The following DIAPH2 variants were observed in gnomAD, a reference collection of about 807,000 sequenced individuals.
The protein encoded by DIAPH2 is diaphanous related formin 2.
DIAPH2 carries 35 observed loss-of-function variants against 92.7 expected under a neutral mutation model. That is an observed-to-expected ratio of 0.38 (90% CI 0.29 to 0.50). DIAPH2 has a LOEUF of 0.50. Among genes scored for constraint, DIAPH2 ranks in the 20% least tolerant of loss-of-function variants. The pLI is 0.94. For synonymous variants in DIAPH2, 301 were observed against 280.4 expected, an observed-to-expected ratio of 1.07 and a Z score of -0.73; for missense variants, 701 against 819.5, an observed-to-expected ratio of 0.86 and a Z score of 1.77.
At chrX:97,032,654 C>T (rs1038598588) in intron 17 of DIAPH2, among the ~76,000 whole-genome samples, 7 of 110,327 alleles carry the variant, frequency 6.3e-5, no homozygotes, top group Non-Finnish European at 1.1e-4. Flanking sequence ...TGCTATGCTC[C>T]GCTTAAAAAA....
At chrX:97,194,824 G>T (rs2067688433) in intron 22 of DIAPH2, among the ~76,000 whole-genome samples, 1 of 112,046 alleles carries the variant, frequency 8.9e-6, no homozygotes, top group South Asian at 3.7e-4. Flanking sequence ...ACATTATTAG[G>T]AAAGCCTATT....
chrX:97,473,495 C>A (rs911387352), intron 26 of DIAPH2, among the ~76,000 whole-genome samples: 5 of 111,137 alleles, frequency 4.5e-5, no homozygotes, highest in Non-Finnish European at 7.5e-5. Flanking sequence ...CCACCATGCC[C>A]TGCTAACTTT....
At chrX:97,475,911 A>G (rs1469685814) in intron 26 of DIAPH2, among the ~76,000 whole-genome samples, 1 of 112,267 alleles carries the variant, frequency 8.9e-6, no homozygotes, top group African/African-American at 3.2e-5. Context: ...AGTGAACAAC[A>G]TAACCAGTTT....
At chrX:97,121,205 C>T (rs947410583) in intron 21 of DIAPH2, among the ~76,000 whole-genome samples, 1 of 112,101 alleles carries the variant, frequency 8.9e-6, no homozygotes, top group African/African-American at 3.2e-5. Flanking sequence ...TATTGTTCAG[C>T]TTGGACTGAC....
At chrX:96,771,992 G>A (rs2064342110) in intron 4 of DIAPH2, among the ~76,000 whole-genome samples, 1 of 110,582 alleles carries the variant, frequency 9.0e-6, no homozygotes, top group Non-Finnish European at 1.9e-5. Flanking sequence ...AGCCGAGATG[G>A]CGCCACTGCC....
chrX:97,429,505 A>C (rs1481954289), intron 25 of DIAPH2, 145 bp from the exon 26 acceptor site: 1 of 846,749 alleles, frequency 1.2e-6, no homozygotes, highest in Non-Finnish European at 1.6e-6. Context: ...TGGTGCCAGA[A>C]ACTGACAGGA....
chrX:97,490,816 A>G lies in DIAPH2; in HGVS notation c.3241+61071A>G, dbSNP rs185489462. On this transcript the variant is annotated intron_variant, in intron 26 of 26. Transcript: ENST00000324765. ...TAAATTCGTTGAGACTTTTTTTGTGACTTAACACGTGATATATTCTGGAGA... is the reference window on the plus strand; with the variant it reads ...TAAATTCGTTGAGACTTTTTTTGTGGCTTAACACGTGATATATTCTGGAGA... 5.7e-3 allele frequency among the ~76,000 whole-genome samples: 630 copies of G among 111,193 alleles called. 3 individuals are homozygous for G. The highest frequency in any genetic ancestry group is 9.0e-3 in the Non-Finnish European group (476 of 52,939).
At chrX:97,519,835 C>T (rs772821308) in intron 26 of DIAPH2, among the ~76,000 whole-genome samples, 46 of 111,155 alleles carry the variant, frequency 4.1e-4, no homozygotes, top group Middle Eastern at 9.2e-3. Context: ...AAGCGATTCT[C>T]CTGCCTCAGC....
At chrX:96,949,149 T>C in intron 15 of DIAPH2, 110 bp downstream of exon 15, 1 of 427,195 alleles carries the variant, frequency 2.3e-6, no homozygotes, top group African/African-American at 2.5e-5. Context: ...TTTTTGGCAG[T>C]TTTACATTTT....
chrX:97,190,579 T>C (rs984156513), intron 22 of DIAPH2, among the ~76,000 whole-genome samples: 1 of 111,698 alleles, frequency 9.0e-6, no homozygotes, highest in African/African-American at 3.3e-5. Flanking sequence ...CCAGGCATGG[T>C]GGCTCACGCC....
chrX:97,120,009 C>A (rs2067044451), intron 21 of DIAPH2, among the ~76,000 whole-genome samples: 1 of 111,978 alleles, frequency 8.9e-6, no homozygotes, highest in Non-Finnish European at 1.9e-5. Flanking sequence ...TCTTCCCCTG[C>A]CTGTAGAGTC....
intron 4 of DIAPH2, among the ~76,000 whole-genome samples, chrX:96,830,884 C>A (rs1405175602): frequency 9.0e-6 from 1 of 111,261 alleles, no homozygotes; most frequent in Non-Finnish European, 1.9e-5. Context: ...AGGGGCATTT[C>A]GTGATATCTA....
chrX:96,811,949 G>A (rs868662360), intron 4 of DIAPH2, among the ~76,000 whole-genome samples: 74 of 111,536 alleles, frequency 6.6e-4, no homozygotes, highest in Middle Eastern at 9.3e-3. Context: ...TTTTTGCATC[G>A]ATGTTCATCA....
At chrX:97,508,023 T>C (rs1191378611) in intron 26 of DIAPH2, among the ~76,000 whole-genome samples, 1 of 111,540 alleles carries the variant, frequency 9.0e-6, no homozygotes, top group Non-Finnish European at 1.9e-5. Flanking sequence ...CTCAGTGCCA[T>C]GTCTCCATCC....
At chrX:97,275,515 C>T (rs775933535) in intron 23 of DIAPH2, among the ~76,000 whole-genome samples, 1 of 106,681 alleles carries the variant, frequency 9.4e-6, no homozygotes, top group Admixed American at 9.9e-5. Context: ...CTCCTCACTT[C>T]TCAGACGGGG....
intron 26 of DIAPH2, among the ~76,000 whole-genome samples, chrX:97,535,598 C>T (rs773548334): frequency 8.0e-4 from 89 of 110,819 alleles, no homozygotes; most frequent in African/African-American, 2.6e-3. Context: ...ATTGCAGGCA[C>T]GCGCCACCAC....
intron 5 of DIAPH2, among the ~76,000 whole-genome samples, chrX:96,894,369 A>G (rs2065328542): frequency 9.0e-6 from 1 of 111,094 alleles, no homozygotes; most frequent in Non-Finnish European, 1.9e-5. Flanking sequence ...ATCAAAAACT[A>G]TTGAAGATTG....
chrX:97,091,659 G>A (rs2066826618), intron 19 of DIAPH2, among the ~76,000 whole-genome samples: 1 of 110,234 alleles, frequency 9.1e-6, no homozygotes, highest in South Asian at 3.9e-4. Context: ...ATTTTCACTG[G>A]GTATATAATT....
intron 17 of DIAPH2, among the ~76,000 whole-genome samples, chrX:97,017,956 A>G (rs1022819443): frequency 8.9e-5 from 10 of 112,670 alleles, no homozygotes; most frequent in Non-Finnish European, 1.9e-4. Flanking sequence ...ACACATAAAT[A>G]TAGCAGGATC....
Sources: allele counts gnomAD v4.1 joint callset (sites outside exome capture counted in the v4.1 genomes callset), GRCh38; gene constraint gnomAD v4.1.1; transcripts MANE v1.5; gene names NCBI Gene and HGNC (gene_info 2026-07-23, HGNC 2026-07-21).